Variants in ARHGAP15 observed in about 807,000 individuals in gnomAD.
ARHGAP15 encodes rho GTPase-activating protein 15.
In ARHGAP15, 51 loss-of-function variants were observed where a neutral mutation model predicts 63.7. That is an observed-to-expected ratio of 0.80 (90% CI 0.64 to 1.01). The LOEUF (loss-of-function observed/expected upper bound fraction) is 1.01. Ranked by LOEUF, ARHGAP15 falls within the 50% of genes least tolerant of loss-of-function variation. The pLI, the probability that ARHGAP15 is intolerant of heterozygous loss-of-function variation, is 0.00. For missense variants in ARHGAP15, 560 were observed against 564.6 expected, an observed-to-expected ratio of 0.99 and a Z score of 0.08; for synonymous variants, 191 against 193.8, an observed-to-expected ratio of 0.99 and a Z score of 0.12.
chr2:143,536,615 C>A (rs1049383067), intron 10 of ARHGAP15, among the ~76,000 whole-genome samples: 1 of 150,426 alleles, frequency 6.6e-6, no homozygotes, highest in Non-Finnish European at 1.5e-5. Context: ...TGAACGAGAA[C>A]ATGCGGTGTT....
At chr2:143,448,864 A>G (rs1295210105) in intron 8 of ARHGAP15, among the ~76,000 whole-genome samples, 1 of 151,970 alleles carries the variant, frequency 6.6e-6, no homozygotes, top group Non-Finnish European at 1.5e-5. Flanking sequence ...TGAAAAAAAC[A>G]TTACCATATG....
intron 1 of ARHGAP15, among the ~76,000 whole-genome samples, chr2:143,133,774 A>G (rs1176829657): frequency 1.3e-5 from 2 of 152,072 alleles, no homozygotes; most frequent in Non-Finnish European, 2.9e-5. Context: ...ATTTATCCCC[A>G]TCTTAATCCA....
intron 11 of ARHGAP15, among the ~76,000 whole-genome samples, chr2:143,560,741 T>C (rs1695986968): frequency 6.6e-6 from 1 of 152,238 alleles, no homozygotes; most frequent in Non-Finnish European, 1.5e-5. Context: ...GGAAGAAGCC[T>C]GGCATTGCCA....
intron 6 of ARHGAP15, among the ~76,000 whole-genome samples, chr2:143,399,381 T>G (rs1021261116): frequency 3.3e-5 from 5 of 152,006 alleles, no homozygotes; most frequent in Non-Finnish European, 7.4e-5. Flanking sequence ...AAAAATGCCC[T>G]TCTTGGCAGC....
chr2:143,328,363 G>A (rs1393997488), intron 6 of ARHGAP15, among the ~76,000 whole-genome samples: 5 of 152,138 alleles, frequency 3.3e-5, no homozygotes, highest in Non-Finnish European at 5.9e-5. Flanking sequence ...ATGATAGACT[G>A]GATAAAGAAA....
chr2:143,173,985 C>G (rs186508961), intron 2 of ARHGAP15, among the ~76,000 whole-genome samples: 1 of 152,144 alleles, frequency 6.6e-6, no homozygotes, highest in African/African-American at 2.4e-5. Context: ...CCAATTTGCC[C>G]CTCAGATATG....
At chr2:143,189,152 T>C (rs1423920755) in intron 2 of ARHGAP15, among the ~76,000 whole-genome samples, 2 of 152,206 alleles carry the variant, frequency 1.3e-5, no homozygotes, top group Non-Finnish European at 2.9e-5. Context: ...AGCATTCTTC[T>C]AGCCTCCAGT....
At chr2:143,241,374 C>T (rs767408276) in intron 5 of ARHGAP15, among the ~76,000 whole-genome samples, 4 of 152,102 alleles carry the variant, frequency 2.6e-5, no homozygotes, top group Non-Finnish European at 4.4e-5. Context: ...GTGACTATCT[C>T]GTAGAACTAT....
At chr2:143,159,630 C>A (rs1690214886) in intron 2 of ARHGAP15, among the ~76,000 whole-genome samples, 1 of 151,914 alleles carries the variant, frequency 6.6e-6, no homozygotes, top group Non-Finnish European at 1.5e-5. Context: ...ACTGTCAACT[C>A]CATTTATAGA....
At chr2:143,280,677 T>G in intron 6 of ARHGAP15, among the ~76,000 whole-genome samples, 1 of 152,140 alleles carries the variant, frequency 6.6e-6, no homozygotes, top group East Asian at 1.9e-4. Context: ...CTATGGTGCC[T>G]TCTTGTGAAG....
At chr2:143,228,510 C>T in intron 4 of ARHGAP15, 71 bp from the exon 5 acceptor site, 3 of 1,004,540 alleles carry the variant, frequency 3.0e-6, no homozygotes, top group Non-Finnish European at 4.5e-6. Flanking sequence ...CCAAATGTTG[C>T]TCATACTGTA....
At chr2:143,741,143 C>A (rs534680703) in intron 13 of ARHGAP15, 4 of 152,318 alleles carry the variant, frequency 2.6e-5, no homozygotes, top group Middle Eastern at 3.4e-3. Context: ...ATCACTTTGG[C>A]AGATGACAGA....
intron 10 of ARHGAP15, among the ~76,000 whole-genome samples, chr2:143,553,396 A>G (rs545507156): frequency 1.3e-5 from 2 of 152,304 alleles, no homozygotes; most frequent in South Asian, 4.1e-4. Context: ...CTTTGAATCT[A>G]AAGGGCTTGG....
intron 8 of ARHGAP15, among the ~76,000 whole-genome samples, chr2:143,438,841 A>G (rs1689733042): frequency 6.6e-6 from 1 of 152,182 alleles, no homozygotes; most frequent in South Asian, 2.1e-4. Flanking sequence ...ATAAAAGAAT[A>G]TGTGATGCAA....
intron 11 of ARHGAP15, among the ~76,000 whole-genome samples, chr2:143,605,269 A>G (rs779997166): frequency 4.6e-5 from 7 of 152,142 alleles, no homozygotes; most frequent in Non-Finnish European, 8.8e-5. Flanking sequence ...TGAGGCTGAG[A>G]TTAAGTGATA....
chr2:143,492,125 G>T (rs149352828), intron 9 of ARHGAP15, among the ~76,000 whole-genome samples: 2 of 152,054 alleles, frequency 1.3e-5, no homozygotes, highest in Non-Finnish European at 2.9e-5. Context: ...AAGGCGATCT[G>T]CCCGCTTTGG....
chr2:143,279,354 G>A (rs1324056133), intron 6 of ARHGAP15, among the ~76,000 whole-genome samples: 1 of 152,100 alleles, frequency 6.6e-6, no homozygotes. Flanking sequence ...GTACATTCCT[G>A]AGTTTCACTG....
chr2:143,186,338 G>A (rs988588937), intron 2 of ARHGAP15, among the ~76,000 whole-genome samples: 3 of 152,018 alleles, frequency 2.0e-5, no homozygotes, highest in Non-Finnish European at 4.4e-5. Context: ...CTGTTTTAAA[G>A]TTTAGCTATA....
chr2:143,348,736 T>C (rs1685418475), intron 6 of ARHGAP15, among the ~76,000 whole-genome samples: 2 of 152,324 alleles, frequency 1.3e-5, no homozygotes, highest in South Asian at 4.1e-4. Context: ...GAATTATTTG[T>C]GATTTTAAAT....
Sources: allele counts gnomAD v4.1 joint callset (sites outside exome capture counted in the v4.1 genomes callset), GRCh38; gene constraint gnomAD v4.1.1; transcripts MANE v1.5; gene names NCBI Gene and HGNC (gene_info 2026-07-23, HGNC 2026-07-21).